Variants in MIDN observed in about 807,000 individuals in gnomAD.
The protein encoded by MIDN is midbrain nucleolar protein.
Under a neutral mutation model 46.1 loss-of-function variants are expected in MIDN, and 26 were observed. The ratio of observed to expected loss-of-function variants is 0.56; its 90% CI spans 0.41 to 0.78. The LOEUF (loss-of-function observed/expected upper bound fraction) is 0.78. Ranked by LOEUF, MIDN falls within the 30% of genes least tolerant of loss-of-function variation. MIDN has a pLI of 0.00. For missense variants in MIDN, 850 were observed against 771.8 expected (o/e 1.10, Z -1.20); for synonymous variants, 432 against 343.3 (o/e 1.26, Z -2.86).
At chr19:1,255,840 G>A in intron 8 of MIDN, 146 bp downstream of exon 8, 1 of 766,922 alleles carries the variant, frequency 1.3e-6, no homozygotes, top group Non-Finnish European at 2.0e-6. Context: ...CTCTGCTCCA[G>A]CCCGGAGAGA....
chr19:1,254,319 G>C lies in MIDN; in HGVS notation c.666G>C (p.Arg222=). The C allele has an allele frequency of 6.4e-7, 1 of 1,571,310 alleles. No homozygotes were observed. Among genetic ancestry groups the C allele is most frequent in the Non-Finnish European group, 8.6e-7 (1 of 1,165,736 alleles). ...CTGCGGCCGCCGCCGCTGCTGCGCG[G>C]GGGGACCCCAGCATAGCCTCCCCCG... is the stretch of plus-strand genomic sequence containing the variant. ...LAAAAAAAAA[R]GDPSIASPVS... is the part of the protein sequence containing the mutation. The change falls in exon 6 of 9, where the codon CGG becomes CGC. Residue 222 remains arginine, a synonymous_variant. Transcript: ENST00000682408.
chr19:1,254,219 G>A lies in MIDN; in HGVS notation c.566G>A (p.Gly189Asp). 5.0e-6 allele frequency: 8 copies of A among 1,598,118 alleles called. No homozygotes were observed. The highest frequency in any genetic ancestry group is 6.8e-6 in the Non-Finnish European group (8 of 1,177,854). ...RSPLTLALRV[G>D]DHMMFVQLQL... ...CCACTGACACTGGCCTTGCGTGTGG[G>A]CGACCACATGATGTTCGTGCAGCTG... The change falls in exon 6 of 9, where the codon GGC becomes GAC. Residue 189 changes from glycine (G) to aspartate (D), a missense_variant. Physicochemically the swap from Gly to Asp is moderately conservative, Grantham distance 94. Coordinates refer to ENST00000682408, the MANE Select transcript of MIDN (RefSeq NM_001388306.1).
rs766611057 is a variant in MIDN, at chr19:1,254,251, G to T, written c.598G>T (p.Ala200Ser). ...DHMMFVQLQL[A>S]AQHAPLQHRH... ...CATGATGTTCGTGCAGCTGCAGCTC[G>T]CGGCCCAGCACGCTCCACTGCAACA... Residue 200 changes from alanine to serine, a missense_variant, in exon 6 of 9, where the codon GCG becomes TCG. Physicochemically the swap from Ala to Ser is moderately conservative, Grantham distance 99. Transcript: ENST00000682408. 158 of 1,591,732 alleles carry T rather than the reference G, an allele frequency of 9.9e-5. No homozygotes were observed. Among genetic ancestry groups the T allele is most frequent in the Non-Finnish European group, 1.2e-4 (143 of 1,175,788 alleles).
At chr19:1,252,497 G>T (rs572584156) in intron 4 of MIDN, among the ~76,000 whole-genome samples, 2 of 152,210 alleles carry the variant, frequency 1.3e-5, no homozygotes, top group East Asian at 1.9e-4. Flanking sequence ...AAGCGGCCAG[G>T]AGGGAGGCTG....
intron 8 of MIDN, among the ~76,000 whole-genome samples, chr19:1,255,928 C>T (rs928311854): frequency 1.3e-5 from 2 of 152,270 alleles, no homozygotes; most frequent in African/African-American, 4.8e-5. Context: ...CCTGCCCCAC[C>T]CCCACCCGGG....
intron 4 of MIDN, among the ~76,000 whole-genome samples, chr19:1,253,422 C>CG (rs1491248254): frequency 2.6e-4 from 3 of 11,568 alleles, no homozygotes; most frequent in Admixed American, 2.7e-3. Context: ...ACCTCCGCCA[C>CG]CCCCCCCCCC....
intron 1 of MIDN, among the ~76,000 whole-genome samples, chr19:1,249,656 C>T (rs1179002359): frequency 2.1e-5 from 3 of 146,112 alleles, no homozygotes; most frequent in Non-Finnish European, 3.0e-5. Context: ...CGCTGCGCTC[C>T]CCTTGGTCGC....
chr19:1,251,344 C>T, intron 2 of MIDN: 1 of 549,530 alleles, frequency 1.8e-6, no homozygotes, highest in Admixed American at 3.6e-5. Flanking sequence ...GGGGGTTCCA[C>T]TGGAGGGAAG....
In MIDN at chr19:1,250,255, T is replaced by A. The variant is rs1361845167; in HGVS notation, c.-42T>A. Reference sequence around the variant, plus strand: ...CCTGTCCCGGAGGCGCGGCGAGGATTGGCGGCGCCCGCCGCCCCCAGCCCC... The same window carrying A: ...CCTGTCCCGGAGGCGCGGCGAGGATAGGCGGCGCCCGCCGCCCCCAGCCCC... On this transcript the variant is annotated 5_prime_UTR_variant, in exon 2 of 9. Coordinates refer to ENST00000682408, the MANE Select transcript of MIDN (RefSeq NM_001388306.1). The A allele has an allele frequency of 3.2e-5, 28 of 862,852 alleles. No individual in the cohort carries two copies. Among genetic ancestry groups the A allele is most frequent in the Non-Finnish European group, 3.6e-5 (26 of 719,050 alleles). 53.4% of individuals were successfully genotyped at this position (862,852 alleles called of 1,614,324 possible).
In MIDN at chr19:1,254,932, AGTGCCAGTCCTG is replaced by A. The variant is rs747645797; in HGVS notation, c.864_875del (p.Pro289_Ser292del). The stretch of plus-strand genomic sequence containing the variant: ...GGACTGCTCCCCCACGGCCAGCAGC[AGTGCCAGTCCTG>A]GTGCCAGCACCACGTCTACCCCAGG... On this transcript the variant is annotated inframe_deletion, in exon 7 of 9. Transcript: ENST00000682408. 1.9e-6 allele frequency: 3 copies of A among 1,610,044 alleles called. No individual in the cohort carries two copies. The highest frequency in any genetic ancestry group is 1.7e-5 in the Admixed American group (1 of 59,910).
chr19:1,252,049 GC>G, intron 4 of MIDN, 148 bp downstream of exon 4: 1 of 665,158 alleles, frequency 1.5e-6, no homozygotes, highest in Non-Finnish European at 2.6e-6. Context: ...GCCTGGCCTG[GC>G]CTCCCCACCT....
chr19:1,249,111 C>T (rs2081089805), intron 1 of MIDN, among the ~76,000 whole-genome samples: 1 of 151,308 alleles, frequency 6.6e-6, no homozygotes, highest in Non-Finnish European at 1.5e-5. Flanking sequence ...ACCGCATCCC[C>T]GAGCGCGCGC....
At position 1,255,579 on chromosome 19, in the gene MIDN, G is replaced by A. The variant is rs990784635; in HGVS notation, c.1143G>A (p.Pro381=). 15 of 1,611,108 alleles carry A rather than the reference G, an allele frequency of 9.3e-6. No individual in the cohort carries two copies. The highest frequency in any genetic ancestry group is 1.1e-5 in the Non-Finnish European group (13 of 1,179,468). ...TCCGCTGCCACGCCCAGTGCTCCCCGGCCTCACCGGCCCCCGACCTGGCCC... is the reference window on the plus strand; with the variant it reads ...TCCGCTGCCACGCCCAGTGCTCCCCAGCCTCACCGGCCCCCGACCTGGCCC... ...AQLRCHAQCS[P]ASPAPDLAPR... The change falls in exon 8 of 9, where the codon CCG becomes CCA. Residue 381 remains proline, a synonymous_variant. Coordinates refer to ENST00000682408, the MANE Select transcript of MIDN (RefSeq NM_001388306.1).
intron 7 of MIDN, 137 bp downstream of exon 7, chr19:1,255,198 C>G: frequency 8.4e-7 from 1 of 1,194,868 alleles, no homozygotes. Context: ...CACATGTCCC[C>G]CAGGAATCCC....
At chr19:1,251,454 G>A (rs962702650) in intron 2 of MIDN, 108 bp from the exon 3 acceptor site, 3 of 971,482 alleles carry the variant, frequency 3.1e-6, no homozygotes, top group Non-Finnish European at 4.6e-6. Flanking sequence ...GTGGGGGTGG[G>A]AACTTATCCG....
Position 1,250,005 on chromosome 19 carries a change from C to G in MIDN, c.-292C>G, listed in dbSNP as rs1332441046. 6.6e-6 allele frequency: 1 copy of G among 151,762 alleles called. No homozygotes were observed. The highest frequency in any genetic ancestry group is 2.4e-5 in the African/African-American group (1 of 41,340). The allele number at this position is 151,762 out of a possible 1,614,324, so 9.4% of individuals were successfully genotyped here. A position where few individuals can be genotyped will look rare whatever the true frequency, so the allele number is the denominator to read the frequency against. On this transcript the variant is annotated 5_prime_UTR_variant, in exon 2 of 9. Coordinates refer to ENST00000682408, the MANE Select transcript of MIDN (RefSeq NM_001388306.1). ...CCGAGCGGCGCCCCCTCCCCAGGAC[C>G]CTTAACCGCGCCGCGTCCCGGTCGC...
chr19:1,249,710 G>T (rs1336355919), intron 1 of MIDN, among the ~76,000 whole-genome samples, 180 bp from the exon 2 acceptor site: 1 of 148,896 alleles, frequency 6.7e-6, no homozygotes, highest in African/African-American at 2.4e-5. Flanking sequence ...CGGCTGCCAC[G>T]TGGGGCGGTG....
intron 8 of MIDN, among the ~76,000 whole-genome samples, chr19:1,256,641 G>A (rs2081202671): frequency 6.6e-6 from 1 of 152,108 alleles, no homozygotes; most frequent in Non-Finnish European, 1.5e-5. Flanking sequence ...AGCCAGCTGC[G>A]TAGCTGGGAC....
intron 5 of MIDN, 34 bp from the exon 6 acceptor site, chr19:1,254,133 G>C (rs773407580): frequency 1.9e-6 from 3 of 1,574,372 alleles, no homozygotes. Context: ...GCCGCAAGCT[G>C]GGGCTCCCAG....
Sources: gnomAD v4.1 joint callset for allele counts (sites outside exome capture counted in the v4.1 genomes callset) on GRCh38, gnomAD v4.1.1 for gene constraint, MANE v1.5 for transcripts, NCBI Gene and HGNC (gene_info 2026-07-23, HGNC 2026-07-21) for gene names.